SH3GL2: variants seen among roughly 807,000 people sequenced by gnomAD.
SH3GL2 encodes endophilin-A1.
SH3GL2 carries 24 observed loss-of-function variants against 46.0 expected under a neutral mutation model. That is an observed-to-expected ratio of 0.52 (90% CI 0.38 to 0.73). The LOEUF is 0.73. Ranked by LOEUF, SH3GL2 falls within the 30% of genes least tolerant of loss-of-function variation. The pLI is 0.00. For missense variants in SH3GL2, 413 were observed against 424.2 expected (o/e 0.97, Z 0.23); for synonymous variants, 196 against 147.1 (o/e 1.33, Z -2.40).
chr9:17,720,539 C>T (rs1821869586), intron 1 of SH3GL2, among the ~76,000 whole-genome samples: 1 of 151,986 alleles, frequency 6.6e-6, no homozygotes, highest in South Asian at 2.1e-4. Context: ...GAACAGTTGG[C>T]AGCGCTTATT....
At chr9:17,746,848 G>T (rs1822703267) in intron 1 of SH3GL2, among the ~76,000 whole-genome samples, 1 of 152,184 alleles carries the variant, frequency 6.6e-6, no homozygotes, top group South Asian at 2.1e-4. Flanking sequence ...ATACAAATTT[G>T]AATGCTTGCT....
chr9:17,686,637 T>C (rs1302735764), intron 1 of SH3GL2, among the ~76,000 whole-genome samples: 1 of 107,038 alleles, frequency 9.3e-6, no homozygotes, highest in Non-Finnish European at 1.8e-5. Context: ...ATGTCCTTTG[T>C]AGGGACATGG....
intron 1 of SH3GL2, among the ~76,000 whole-genome samples, chr9:17,734,684 A>G (rs1822276423): frequency 6.6e-6 from 1 of 152,156 alleles, no homozygotes; most frequent in African/African-American, 2.4e-5. Context: ...ATGCTATGTG[A>G]AACAAGCCAG....
chr9:17,601,366 T>A (rs994193376), intron 1 of SH3GL2, among the ~76,000 whole-genome samples: 6 of 152,182 alleles, frequency 3.9e-5, no homozygotes, highest in African/African-American at 1.4e-4. Flanking sequence ...AGCTTGCTGC[T>A]TTCCATGAAA....
At chr9:17,656,120 G>A (rs938014674) in intron 1 of SH3GL2, among the ~76,000 whole-genome samples, 3 of 151,986 alleles carry the variant, frequency 2.0e-5, no homozygotes, top group African/African-American at 7.3e-5. Flanking sequence ...CGTCTACTTA[G>A]GCAATACTCC....
At chr9:17,758,778 A>ATG (rs1554647277) in intron 2 of SH3GL2, among the ~76,000 whole-genome samples, 1 of 151,316 alleles carries the variant, frequency 6.6e-6, no homozygotes, top group Non-Finnish European at 1.5e-5. Context: ...CTTGCTCTGT[A>ATG]ATGATGCCTG....
At chr9:17,624,270 A>G (rs1225256034) in intron 1 of SH3GL2, among the ~76,000 whole-genome samples, 2 of 152,142 alleles carry the variant, frequency 1.3e-5, no homozygotes, top group South Asian at 2.1e-4. Flanking sequence ...AGTGTTGTCT[A>G]GTTTCCTGAT....
At chr9:17,771,485 C>G (rs1242648772) in intron 3 of SH3GL2, among the ~76,000 whole-genome samples, 1 of 152,156 alleles carries the variant, frequency 6.6e-6, no homozygotes, top group Non-Finnish European at 1.5e-5. Flanking sequence ...CTGCAGGACC[C>G]TTCTTACAAT....
intron 1 of SH3GL2, among the ~76,000 whole-genome samples, chr9:17,649,875 C>G (rs779582201): frequency 1.3e-5 from 2 of 152,150 alleles, no homozygotes; most frequent in Non-Finnish European, 2.9e-5. Context: ...AAAGAAAAAT[C>G]ACAGTTCAGA....
At chr9:17,650,235 A>C (rs774503269) in intron 1 of SH3GL2, among the ~76,000 whole-genome samples, 1 of 152,252 alleles carries the variant, frequency 6.6e-6, no homozygotes, top group Non-Finnish European at 1.5e-5. Context: ...GATTTTACTT[A>C]AACTAGAAAT....
intron 1 of SH3GL2, among the ~76,000 whole-genome samples, chr9:17,644,455 G>A (rs1022531027): frequency 4.6e-5 from 7 of 152,068 alleles, no homozygotes; most frequent in East Asian, 3.9e-4. Context: ...TCTTTCTCCC[G>A]TGGGCATTTA....
chr9:17,782,751 A>T (rs926788323), intron 3 of SH3GL2, among the ~76,000 whole-genome samples: 1 of 152,136 alleles, frequency 6.6e-6, no homozygotes, highest in Non-Finnish European at 1.5e-5. Flanking sequence ...ATGTATACAG[A>T]AGCATTTTAT....
chr9:17,766,245 C>T (rs377152212), intron 3 of SH3GL2, among the ~76,000 whole-genome samples: 2 of 152,194 alleles, frequency 1.3e-5, no homozygotes, highest in Non-Finnish European at 2.9e-5. Flanking sequence ...AACGTCTGCC[C>T]TGTGAGGGTG....
chr9:17,789,416 CG>C lies in SH3GL2; in HGVS notation c.491del (p.Arg164HisfsTer24). The C allele has an allele frequency of 1.9e-6, 3 of 1,613,260 alleles. No homozygotes were observed. Among genetic ancestry groups the C allele is most frequent in the Non-Finnish European group, 2.5e-6 (3 of 1,179,498 alleles). On this transcript the variant is annotated frameshift_variant, in exon 6 of 9. Transcript: ENST00000380607. LOFTEE classifies it high-confidence loss of function. ...GCATCATCTAAAGAAGTTGGAGGGT[CG>C]ACGCCTGGATTTTGATTATAAGAAG... Reference protein sequence around the residue: ...IQHHLKKLEGRRLDFDYKKKR... With the variant: ...IQHHLKKLEGXRLDFDYKKKR...
intron 1 of SH3GL2, among the ~76,000 whole-genome samples, chr9:17,697,229 T>A (rs1055682518): frequency 1.6e-4 from 23 of 146,736 alleles, no homozygotes; most frequent in African/African-American, 4.7e-4. Flanking sequence ...ATGCATTTCT[T>A]TTTTTTTTTT....
chr9:17,606,087 T>TGG (rs1818755901), intron 1 of SH3GL2, among the ~76,000 whole-genome samples: 1 of 151,168 alleles, frequency 6.6e-6, no homozygotes, highest in African/African-American at 2.4e-5. Context: ...TGCGTGAGGT[T>TGG]TGTTTGTTTG....
chr9:17,761,679 T>G, intron 3 of SH3GL2, 170 bp downstream of exon 3: 2 of 679,516 alleles, frequency 2.9e-6, no homozygotes, highest in Non-Finnish European at 5.3e-6. Flanking sequence ...GGAGAAGGGC[T>G]TTTTAAAGCT....
chr9:17,646,355 C>T (rs2134655597), intron 1 of SH3GL2, among the ~76,000 whole-genome samples: 1 of 152,108 alleles, frequency 6.6e-6, no homozygotes, highest in South Asian at 2.1e-4. Context: ...TTATAACCCA[C>T]CTTCTGAAGC....
chr9:17,778,482 T>C (rs1415839342), intron 3 of SH3GL2, among the ~76,000 whole-genome samples: 1 of 152,082 alleles, frequency 6.6e-6, no homozygotes, highest in Non-Finnish European at 1.5e-5. Context: ...CCATGTTGGC[T>C]GGGGGAGGTC....
Sources: allele counts gnomAD v4.1 joint callset (sites outside exome capture counted in the v4.1 genomes callset), GRCh38; gene constraint gnomAD v4.1.1; transcripts MANE v1.5; gene names NCBI Gene and HGNC (gene_info 2026-07-23, HGNC 2026-07-21).